PRP4K: variants seen among roughly 807,000 people sequenced by gnomAD.
PRP4K encodes serine/threonine-protein kinase PRP4 homolog.
chr6:4,037,857 A>AT, the PRP4K span, among the ~76,000 whole-genome samples: 6,801 of 141,850 alleles, frequency 0.048, 409 homozygotes, highest in African/African-American at 0.14. Flanking sequence ...AGACTTAGGG[A>AT]TTTTTTTTTT....
the PRP4K span, chr6:4,058,724 G>A: frequency 6.2e-7 from 1 of 1,611,394 alleles, no homozygotes; most frequent in Non-Finnish European, 8.5e-7. Context: ...GTTTTGTTTT[G>A]TAGATGATTC....
chr6:4,060,308 A>C, the PRP4K span: 4 of 964,786 alleles, frequency 4.1e-6, no homozygotes, highest in South Asian at 1.7e-5. The surrounding 1 kb of genome is among the most constrained non-coding windows in gnomAD (Gnocchi z 4.7). Flanking sequence ...TTTTGTATGT[A>C]TATGCATGTT....
the PRP4K span, among the ~76,000 whole-genome samples, chr6:4,051,016 T>G: frequency 6.6e-6 from 1 of 152,238 alleles, no homozygotes; most frequent in African/African-American, 2.4e-5. Context: ...TTCAAGGGAT[T>G]TTGCTTCCTC....
chr6:4,029,294 CCTT>C, the PRP4K span, among the ~76,000 whole-genome samples: 1 of 151,288 alleles, frequency 6.6e-6, no homozygotes, highest in Non-Finnish European at 1.5e-5. Flanking sequence ...CCCCTTTTTC[CCTT>C]CTTGTTAATT....
chr6:4,026,668 A>G, the PRP4K span, among the ~76,000 whole-genome samples: 73 of 152,304 alleles, frequency 4.8e-4, no homozygotes, highest in African/African-American at 1.7e-3. Context: ...TAGATTAGAT[A>G]ATCTAGGCCC....
At chr6:4,024,977 A>C in the PRP4K span, among the ~76,000 whole-genome samples, 12 of 152,334 alleles carry the variant, frequency 7.9e-5, no homozygotes, top group South Asian at 4.1e-4. Flanking sequence ...TGGGTTTTTT[A>C]AAAGGTAAAA....
At chr6:4,062,015 GTAT>G in the PRP4K span, 4 of 152,558 alleles carry the variant, frequency 2.6e-5, no homozygotes, top group African/African-American at 7.2e-5. The surrounding 1 kb of genome is among the most constrained non-coding windows in gnomAD (Gnocchi z 4.2). Context: ...TTAATTGAAA[GTAT>G]TATTAGTTAA....
the PRP4K span, among the ~76,000 whole-genome samples, chr6:4,053,562 C>A: frequency 6.7e-6 from 1 of 148,754 alleles, no homozygotes; most frequent in African/African-American, 2.5e-5. Flanking sequence ...GTGGTAACAG[C>A]AGATTTCACA....
chr6:4,030,661 C>T, the PRP4K span, among the ~76,000 whole-genome samples: 1 of 152,170 alleles, frequency 6.6e-6, no homozygotes, highest in South Asian at 2.1e-4. Context: ...TATTTATTTC[C>T]ATAGCATCTG....
At chr6:4,042,381 CT>C in the PRP4K span, 6 of 820,700 alleles carry the variant, frequency 7.3e-6, no homozygotes, top group Non-Finnish European at 9.6e-6. Context: ...GGACTTAAGA[CT>C]TTTGCTCTAA....
the PRP4K span, among the ~76,000 whole-genome samples, chr6:4,022,128 T>TA: frequency 2.0e-5 from 3 of 150,086 alleles, no homozygotes; most frequent in Non-Finnish European, 4.4e-5. Context: ...CAAAGTAAGA[T>TA]AGAGTCTTTG....
At chr6:4,045,337 G>A in the PRP4K span, among the ~76,000 whole-genome samples, 1 of 152,262 alleles carries the variant, frequency 6.6e-6, no homozygotes, top group Non-Finnish European at 1.5e-5. Flanking sequence ...CTCACAGTCT[G>A]TATATAGTTT....
the PRP4K span, among the ~76,000 whole-genome samples, chr6:4,044,863 A>ACT: frequency 7.6e-6 from 1 of 132,326 alleles, no homozygotes; most frequent in Non-Finnish European, 1.6e-5. Flanking sequence ...TATTATTATT[A>ACT]TTTTTTTTTT....
At chr6:4,055,535 T>C in the PRP4K span, among the ~76,000 whole-genome samples, 2 of 152,146 alleles carry the variant, frequency 1.3e-5, no homozygotes, top group African/African-American at 4.8e-5. Flanking sequence ...TCGGAATTTG[T>C]GTGTGTCTCT....
At chr6:4,053,156 G>C in the PRP4K span, among the ~76,000 whole-genome samples, 4 of 152,134 alleles carry the variant, frequency 2.6e-5, no homozygotes, top group Admixed American at 1.3e-4. Context: ...CTGTAGTAAT[G>C]AGTTTCTTCT....
At chr6:4,042,648 G>A in the PRP4K span, 42 of 1,012,846 alleles carry the variant, frequency 4.1e-5, no homozygotes, top group African/African-American at 5.6e-4. Context: ...ATTAATAACA[G>A]TTGAACAGGT....
the PRP4K span, among the ~76,000 whole-genome samples, chr6:4,042,896 CAA>C: frequency 1.3e-5 from 2 of 151,964 alleles, no homozygotes; most frequent in African/African-American, 4.8e-5. Flanking sequence ...TTTTATTTAG[CAA>C]AAAATTATGC....
chr6:4,021,496 C>A, the PRP4K span: 654 of 1,569,644 alleles, frequency 4.2e-4, 1 homozygote, highest in Non-Finnish European at 3.8e-4. Flanking sequence ...GGGCCAGAAG[C>A]TGGAGCCCGG....
the PRP4K span, chr6:4,032,787 A>AC: frequency 6.6e-7 from 1 of 1,512,208 alleles, no homozygotes; most frequent in Non-Finnish European, 8.8e-7. Flanking sequence ...AAAGCTTTTT[A>AC]CCAGTGCATG....
Sources: gnomAD v4.1 joint callset for allele counts (sites outside exome capture counted in the v4.1 genomes callset) on GRCh38, gnomAD v4.1.1 for gene constraint, Gnocchi (gnomAD v3.1) non-coding constraint, MANE v1.5 for transcripts, NCBI Gene and HGNC (gene_info 2026-07-23, HGNC 2026-07-21) for gene names.